B3GNT3: variants seen among roughly 807,000 people sequenced by gnomAD.
B3GNT3 encodes the protein UDP-GlcNAc:betaGal beta-1,3-N-acetylglucosaminyltransferase 3, also known as N-acetyllactosaminide beta-1,3-N-acetylglucosaminyltransferase 3.
In B3GNT3, 7 loss-of-function variants were observed where a neutral mutation model predicts 11.6. The ratio of observed to expected loss-of-function variants is 0.60; its 90% CI spans 0.34 to 1.13. The LOEUF is 1.13. B3GNT3 is among the 50% of genes most tolerant of loss of function. The pLI is 0.03. For synonymous variants in B3GNT3, 201 were observed against 222.1 expected (o/e 0.90, Z 0.85); for missense variants, 400 against 507.4 (o/e 0.79, Z 2.03).
In B3GNT3 at chr19:17,808,172, G is replaced by A. The variant is rs1286270349; in HGVS notation, c.365G>A (p.Arg122His). 5 of 1,610,664 alleles carry A rather than the reference G, an allele frequency of 3.1e-6. No individual in the cohort carries two copies. The highest frequency in any genetic ancestry group is 4.2e-6 in the Non-Finnish European group (5 of 1,178,256). Residue 122 changes from arginine to histidine, a missense_variant, in exon 2 of 3, where the codon CGC becomes CAC. Arg to His is a conservative substitution (Grantham distance 29). Coordinates refer to ENST00000318683, the MANE Select transcript of B3GNT3 (RefSeq NM_014256.4). Reference sequence around the variant, plus strand: ...AAGTCCTCCCCTAGCAACTATGTGCGCCGCGAGCTGCTGCGGCGCACGTGG... The same window carrying A: ...AAGTCCTCCCCTAGCAACTATGTGCACCGCGAGCTGCTGCGGCGCACGTGG... Reference protein sequence around the residue: ...VIKSSPSNYVRRELLRRTWGR... With the variant: ...VIKSSPSNYVHRELLRRTWGR...
chr19:17,803,131 G>GA (rs1387337345), intron 1 of B3GNT3, among the ~76,000 whole-genome samples: 1 of 152,012 alleles, frequency 6.6e-6, no homozygotes, highest in African/African-American at 2.4e-5. Context: ...TCAGCCTCCT[G>GA]AGTAGCTGGG....
intron 1 of B3GNT3, among the ~76,000 whole-genome samples, chr19:17,804,533 CTTTTTTTT>C (rs67513010): frequency 1.8e-5 from 1 of 57,016 alleles, no homozygotes; most frequent in Non-Finnish European, 2.8e-5. Flanking sequence ...CCGTGCCCAG[CTTTTTTTT>C]TTTTTTTTTT....
At position 17,811,453 on chromosome 19, in the gene B3GNT3, C is replaced by A; in HGVS notation, c.568-118C>A. ...TAACCCCACAGGGCAGGGCCTTAAC[C>A]CAGGCTGGATTGTGGACACTTCCTT... On this transcript the variant is annotated intron_variant, in intron 2 of 2. Coordinates refer to ENST00000318683, the MANE Select transcript of B3GNT3 (RefSeq NM_014256.4). This position sits in a 1 kb window ranked among gnomAD's most constrained non-coding sequence, Gnocchi z 4.1. 9.1e-7 allele frequency: 1 copy of A among 1,095,664 alleles called. No individual in the cohort carries two copies. Among genetic ancestry groups the A allele is most frequent in the Non-Finnish European group, 1.3e-6 (1 of 782,232 alleles). The allele number at this position is 1,095,664 out of a possible 1,614,324, so 67.9% of individuals were successfully genotyped here. A position where few individuals can be genotyped will look rare whatever the true frequency, so the allele number is the denominator to read the frequency against.
rs539888811 is a variant in B3GNT3 at position 17,799,489 on chromosome 19, C to T, written c.-51+4283C>T. Among the ~76,000 whole-genome samples the T allele has an allele frequency of 3.3e-5, 5 of 151,972 alleles. No individual in the cohort carries two copies. In the East Asian group the frequency reaches 5.8e-4, roughly 18 times the overall value. ...TTCACCATGTTGGCCAGGCTGGTCTCGAACTCCTGACCTCATGATTCGCCC... is the reference window on the plus strand; with the variant it reads ...TTCACCATGTTGGCCAGGCTGGTCTTGAACTCCTGACCTCATGATTCGCCC... On this transcript the variant is annotated intron_variant, in intron 1 of 2. Coordinates refer to ENST00000318683, the MANE Select transcript of B3GNT3 (RefSeq NM_014256.4).
intron 1 of B3GNT3, among the ~76,000 whole-genome samples, chr19:17,801,443 A>G (rs2094166052): frequency 6.6e-6 from 1 of 151,262 alleles, no homozygotes; most frequent in Admixed American, 6.6e-5. Context: ...CAGCCTCTCA[A>G]ACAGCTGGGA....
In B3GNT3 at chr19:17,811,910, T is replaced by G. The variant is rs1197311534; in HGVS notation, c.907T>G (p.Cys303Gly). ...CATTGATGATGTCTTCCTGGGTATG[T>G]GTCTGGAGCTTGAGGGACTGAAGCC... ...FPIDDVFLGM[C>G]LELEGLKPAS... The change falls in exon 3 of 3, where the codon TGT becomes GGT. Residue 303 changes from cysteine (C) to glycine (G), a missense_variant. Physicochemically the swap from Cys to Gly is radical, Grantham distance 159. Coordinates refer to ENST00000318683, the MANE Select transcript of B3GNT3 (RefSeq NM_014256.4). The surrounding 1 kb of genome is among the most constrained non-coding windows in gnomAD (Gnocchi z 4.1). 6.2e-7 allele frequency: 1 copy of G among 1,613,686 alleles called. No individual in the cohort carries two copies. Among genetic ancestry groups the G allele is most frequent in the East Asian group, 2.2e-5 (1 of 44,886 alleles).
At chr19:17,797,706 T>TA (rs2094161042) in intron 1 of B3GNT3, among the ~76,000 whole-genome samples, 1 of 152,088 alleles carries the variant, frequency 6.6e-6, no homozygotes, top group African/African-American at 2.4e-5. Flanking sequence ...CCTTTTTCCA[T>TA]ACCCAGGCAC....
At chr19:17,799,330 G>A (rs554882684) in intron 1 of B3GNT3, among the ~76,000 whole-genome samples, 10 of 147,990 alleles carry the variant, frequency 6.8e-5, no homozygotes, top group Non-Finnish European at 1.2e-4. Context: ...GTGCAGTGGC[G>A]CAATCTCGGC....
In B3GNT3 at chr19:17,808,185, G is replaced by GCGGCGCA; in HGVS notation, c.381_387dup (p.Trp130AlafsTer84). The GCGGCGCA allele has an allele frequency of 6.2e-7, 1 of 1,610,756 alleles. No homozygotes were observed. ...GCAACTATGTGCGCCGCGAGCTGCT[G>GCGGCGCA]CGGCGCACGTGGGGCCGCGAGCGCA... On this transcript the variant is annotated frameshift_variant, in exon 2 of 3. Coordinates refer to ENST00000318683, the MANE Select transcript of B3GNT3 (RefSeq NM_014256.4). LOFTEE classifies it high-confidence loss of function.
rs1053355485 is a variant in B3GNT3 at position 17,810,324 on chromosome 19, C to T, written c.568-1247C>T. On this transcript the variant is annotated intron_variant, in intron 2 of 2. Transcript: ENST00000318683. ...TCTTGGGAGGCTAAGGCAGCAGGAT[C>T]GCTTGAACCCTGGAGGCGGAGGTTG... 4.6e-5 allele frequency among the ~76,000 whole-genome samples: 7 copies of T among 151,980 alleles called. No individual in the cohort carries two copies. The South Asian group carries it at 1.0e-3, about 23-fold the overall frequency.
intron 2 of B3GNT3, 70 bp downstream of exon 2, chr19:17,808,444 G>A: frequency 3.5e-6 from 5 of 1,438,978 alleles, no homozygotes; most frequent in Non-Finnish European, 4.7e-6. Flanking sequence ...CCACTCCTGA[G>A]GGACCCAGGG....
In B3GNT3 at chr19:17,808,149, GTCCTC is replaced by G; in HGVS notation, c.343_347del (p.Ser115ProfsTer2). 1.2e-6 allele frequency: 2 copies of G among 1,613,236 alleles called. No homozygotes were observed. Among genetic ancestry groups the G allele is most frequent in the South Asian group, 2.2e-5 (2 of 91,032 alleles). Reference sequence around the variant, plus strand: ...CGGTCTTCCTGCTGCTGGTGATCAAGTCCTCCCCTAGCAACTATGTGCGCCGCGAG... The same window carrying G: ...CGGTCTTCCTGCTGCTGGTGATCAAGCCCTAGCAACTATGTGCGCCGCGAG... On this transcript the variant is annotated frameshift_variant, in exon 2 of 3. Transcript: ENST00000318683. LOFTEE classifies it high-confidence loss of function.
Position 17,799,003 on chromosome 19 carries a change from C to T in B3GNT3, c.-51+3797C>T, listed in dbSNP as rs371802049. On this transcript the variant is annotated intron_variant, in intron 1 of 2. Transcript: ENST00000318683. ...AAGAAAAAAAAAATCTCATTGTTGGCGCTTCACATATGTGCCACTTGGAGA... is the reference window on the plus strand; with the variant it reads ...AAGAAAAAAAAAATCTCATTGTTGGTGCTTCACATATGTGCCACTTGGAGA... 7.9e-5 allele frequency among the ~76,000 whole-genome samples: 12 copies of T among 152,196 alleles called. 1 individual carries two copies. Among genetic ancestry groups the T allele is most frequent in the African/African-American group, 1.7e-4 (7 of 41,534 alleles).
intron 1 of B3GNT3, among the ~76,000 whole-genome samples, chr19:17,807,308 G>A (rs530061060): frequency 1.6e-4 from 25 of 151,798 alleles, no homozygotes; most frequent in Non-Finnish European, 3.4e-4. Context: ...TGGCCAACAT[G>A]GTAAAACCCC....
At chr19:17,801,911 A>C (rs2094166718) in intron 1 of B3GNT3, among the ~76,000 whole-genome samples, 1 of 152,138 alleles carries the variant, frequency 6.6e-6, no homozygotes, top group African/African-American at 2.4e-5. Flanking sequence ...AACATGGTGA[A>C]ACCCCGTCTC....
chr19:17,800,146 G>A (rs994731283), intron 1 of B3GNT3, among the ~76,000 whole-genome samples: 5 of 152,094 alleles, frequency 3.3e-5, no homozygotes, highest in Admixed American at 6.6e-5. Context: ...AGGCCGAGGC[G>A]GGCAGATCAC....
chr19:17,799,010 C>T (rs1395258971), intron 1 of B3GNT3, among the ~76,000 whole-genome samples: 2 of 152,166 alleles, frequency 1.3e-5, no homozygotes, highest in Admixed American at 1.3e-4. Context: ...TGGCGCTTCA[C>T]ATATGTGCCA....
intron 1 of B3GNT3, among the ~76,000 whole-genome samples, chr19:17,806,455 T>G (rs925716978): frequency 6.6e-6 from 1 of 152,128 alleles, no homozygotes; most frequent in African/African-American, 2.4e-5. Context: ...GTTAACAGGA[T>G]TGGACTCATG....
chr19:17,795,491 C>A (rs1230387777), intron 1 of B3GNT3, among the ~76,000 whole-genome samples: 1 of 152,224 alleles, frequency 6.6e-6, no homozygotes, highest in African/African-American at 2.4e-5. Flanking sequence ...CGGGATCAGA[C>A]CCCCGAGGCG....
Sources: gnomAD v4.1 joint callset for allele counts (sites outside exome capture counted in the v4.1 genomes callset) on GRCh38, gnomAD v4.1.1 for gene constraint, Gnocchi (gnomAD v3.1) non-coding constraint, MANE v1.5 for transcripts, NCBI Gene and HGNC (gene_info 2026-07-23, HGNC 2026-07-21) for gene names.